The following GTPBP4 variants were observed in gnomAD, a reference collection of about 807,000 sequenced individuals.
GTPBP4 encodes GTP binding protein 4.
Under a neutral mutation model 81.7 loss-of-function variants are expected in GTPBP4, and 15 were observed. That is an observed-to-expected ratio of 0.18 (90% CI 0.12 to 0.28). GTPBP4 has a LOEUF of 0.28. Among genes scored for constraint, GTPBP4 ranks in the 10% least tolerant of loss-of-function variants. GTPBP4 has a pLI of 1.00. For missense variants in GTPBP4, 847 were observed against 793.8 expected, an observed-to-expected ratio of 1.07 and a Z score of -0.81; for synonymous variants, 272 against 274.6, an observed-to-expected ratio of 0.99 and a Z score of 0.09.
rs557111331 is a variant in GTPBP4 at position 1,008,967 on chromosome 10, C to A, written c.1123C>A (p.Pro375Thr). ...PTRRDDKERP[P>T]FIPEGVVARR... ...TATGGGATCTTCTCAGGAGAGGCCCCCTTTCATCCCTGAAGGAGTGGTGGC... is the reference window on the plus strand; with the variant it reads ...TATGGGATCTTCTCAGGAGAGGCCCACTTTCATCCCTGAAGGAGTGGTGGC... Residue 375 changes from proline to threonine, a missense_variant, in exon 11 of 17, where the codon CCT becomes ACT. Pro to Thr is a conservative substitution (Grantham distance 38). This residue lies in a region of GTPBP4 where 600 missense variants were observed against 557.1 expected (regional missense o/e 1.08). Transcript: ENST00000360803. 7.5e-6 allele frequency: 12 copies of A among 1,609,648 alleles called. No individual in the cohort carries two copies. The African/African-American group carries it at 8.0e-5, about 11-fold the overall frequency.
At chr10:1,005,499 G>T (rs1831712477) in intron 8 of GTPBP4, among the ~76,000 whole-genome samples, 1 of 152,072 alleles carries the variant, frequency 6.6e-6, no homozygotes, top group Non-Finnish European at 1.5e-5. Flanking sequence ...GCTCCCCAGG[G>T]TGCCTGTTAC....
At chr10:1,011,283 C>T (rs1831865638) in intron 13 of GTPBP4, among the ~76,000 whole-genome samples, 1 of 152,180 alleles carries the variant, frequency 6.6e-6, no homozygotes, top group African/African-American at 2.4e-5. Flanking sequence ...TTTTTCCTGC[C>T]TCAATCCCCT....
chr10:1,003,923 G>T (rs1331077200), intron 8 of GTPBP4, among the ~76,000 whole-genome samples: 1 of 152,142 alleles, frequency 6.6e-6, no homozygotes, highest in African/African-American at 2.4e-5. Context: ...TTAGGGTCTT[G>T]TGTGCCTATC....
At position 1,019,751 on chromosome 10, in the gene GTPBP4, A is replaced by C. The variant is rs41294970; in HGVS notation, c.*2524A>C. On this transcript the variant is annotated 3_prime_UTR_variant, in exon 17 of 17. Coordinates refer to ENST00000360803, the MANE Select transcript of GTPBP4 (RefSeq NM_012341.3). The stretch of plus-strand genomic sequence containing the variant: ...CGTTTTTCCTCACAAGCAGAAGGTA[A>C]CAAATTTCATGCTCTCCCCAAATTC... The C allele has an allele frequency of 1.2e-6, 2 of 1,614,042 alleles. No homozygotes were observed. The highest frequency in any genetic ancestry group is 1.7e-6 in the Non-Finnish European group (2 of 1,180,008).
chr10:992,587 A>G lies in GTPBP4; in HGVS notation c.147A>G (p.Arg49=). The change falls in exon 2 of 17, where the codon AGA becomes AGG. Residue 49 remains arginine, a synonymous_variant. Coordinates refer to ENST00000360803, the MANE Select transcript of GTPBP4 (RefSeq NM_012341.3). ...ATCGCATTAGACATTTTTACATGAG[A>G]AAAGTCAAATTTACTCAACAGAATT... is the stretch of plus-strand genomic sequence containing the variant. The part of the protein sequence containing the change: ...QIHRIRHFYM[R]KVKFTQQNYH... The G allele has an allele frequency of 6.2e-7, 1 of 1,601,640 alleles. No homozygotes were observed. The highest frequency in any genetic ancestry group is 1.1e-5 in the South Asian group (1 of 90,454).
chr10:1,015,911 T>G lies in GTPBP4; in HGVS notation c.1752+15T>G, dbSNP rs766461596. ...GGGATGTCAAGGTCAGTCTCTGTGT[T>G]GTGTAATGTAATAAAATGACAGTCT... On this transcript the variant is annotated intron_variant, in intron 16 of 16. Coordinates refer to ENST00000360803, the MANE Select transcript of GTPBP4 (RefSeq NM_012341.3). 1 of 1,595,080 alleles carries G rather than the reference T, an allele frequency of 6.3e-7. No homozygotes were observed. The highest frequency in any genetic ancestry group is 8.6e-7 in the Non-Finnish European group (1 of 1,167,660).
rs1231943615 is a variant in GTPBP4 at position 1,018,176 on chromosome 10, C to G, written c.*949C>G. On this transcript the variant is annotated 3_prime_UTR_variant, in exon 17 of 17. Transcript: ENST00000360803. ...GCGCAGGGGCTCAAGCCTGTAGTTC[C>G]AGCACTTTGGGAGGCCGAGGTGGGC... The G allele has an allele frequency of 1.3e-5, 2 of 152,300 alleles. No individual in the cohort carries two copies. Among genetic ancestry groups the G allele is most frequent in the African/African-American group, 4.8e-5 (2 of 41,448 alleles). 9.4% of individuals were successfully genotyped at this position (152,300 alleles called of 1,614,324 possible).
chr10:1,010,373 G>T, intron 12 of GTPBP4, 47 bp from the exon 13 acceptor site: 2 of 927,024 alleles, frequency 2.2e-6, no homozygotes, highest in Non-Finnish European at 3.6e-6. Flanking sequence ...AGTACTTGAA[G>T]ATATTAAAAA....
intron 13 of GTPBP4, among the ~76,000 whole-genome samples, chr10:1,011,223 G>C (rs1831864076): frequency 6.6e-6 from 1 of 152,058 alleles, no homozygotes; most frequent in South Asian, 2.1e-4. Flanking sequence ...GCCCTTAATG[G>C]ACTCTGCTGT....
chr10:1,015,886 G>A lies in GTPBP4; in HGVS notation c.1742G>A (p.Arg581Lys), dbSNP rs769838858. Residue 581 changes from arginine (R) to lysine (K), a missense_variant, in exon 16 of 17, where the codon AGG (arginine) becomes AAG (lysine). Coordinates refer to ENST00000360803, the MANE Select transcript of GTPBP4 (RefSeq NM_012341.3). Reference sequence around the variant, plus strand: ...ACTCCACGTGACGTTTCTGGTCTTAGGGATGTCAAGGTCAGTCTCTGTGTT... The same window carrying A: ...ACTCCACGTGACGTTTCTGGTCTTAAGGATGTCAAGGTCAGTCTCTGTGTT... ...SRTPRDVSGL[R>K]DVKMVKKAKT... The A allele has an allele frequency of 8.7e-6, 14 of 1,612,194 alleles. No individual in the cohort carries two copies. The highest frequency in any genetic ancestry group is 1.3e-5 in the African/African-American group (1 of 74,896).
intron 8 of GTPBP4, among the ~76,000 whole-genome samples, chr10:1,001,902 C>T (rs1831640952): frequency 1.3e-5 from 2 of 150,560 alleles, no homozygotes; most frequent in Admixed American, 1.3e-4. Context: ...GTTTGGTCTA[C>T]AGTGCACTTT....
chr10:1,004,692 T>A (rs1016035295), intron 8 of GTPBP4, among the ~76,000 whole-genome samples: 1 of 152,014 alleles, frequency 6.6e-6, no homozygotes, highest in Non-Finnish European at 1.5e-5. Context: ...CAGGGTACCG[T>A]TGGGTGCTAG....
chr10:1,015,391 G>T (rs1203666314), intron 15 of GTPBP4, among the ~76,000 whole-genome samples: 1 of 137,982 alleles, frequency 7.2e-6, no homozygotes, highest in African/African-American at 3.0e-5. Flanking sequence ...TCTGAGCCTG[G>T]GAGTGGACCT....
rs200759414 is a variant in GTPBP4 at position 1,012,039 on chromosome 10, A to AT, written c.1345-421dup. Among the ~76,000 whole-genome samples, 783 of 152,026 alleles carry AT rather than the reference A, an allele frequency of 5.2e-3. 8 individuals carry two copies. Among genetic ancestry groups the AT allele is most frequent in the African/African-American group, 0.018 (726 of 41,460 alleles). ...GATAAACGTGTGTGTTTTAGTTTTC[A>AT]TTTTTGTCTTATTTGTAGCCAGTGA... On this transcript the variant is annotated intron_variant, in intron 13 of 16. Coordinates refer to ENST00000360803, the MANE Select transcript of GTPBP4 (RefSeq NM_012341.3).
chr10:1,009,554 G>A lies in GTPBP4; in HGVS notation c.1217G>A (p.Gly406Glu). 1 of 1,603,100 alleles carries A rather than the reference G, an allele frequency of 6.2e-7. No homozygotes were observed. Among genetic ancestry groups the A allele is most frequent in the Non-Finnish European group, 8.5e-7 (1 of 1,169,908 alleles). ...KRERDLELEM[G>E]DDYILDLQKY... ...GAACGAGATCTTGAGCTGGAAATGG[G>A]AGATGATTATATTTTGGATCTTCAG... Residue 406 changes from glycine to glutamate, a missense_variant, in exon 12 of 17, where the codon GGA (glycine) becomes GAA (glutamate). This residue lies in a region of GTPBP4 where 600 missense variants were observed against 557.1 expected (regional missense o/e 1.08). Transcript: ENST00000360803.
intron 2 of GTPBP4, among the ~76,000 whole-genome samples, chr10:993,620 G>C (rs925426197): frequency 1.3e-5 from 2 of 152,126 alleles, no homozygotes; most frequent in Admixed American, 6.5e-5. Context: ...ATGACACCAT[G>C]TGTGGGGTAA....
chr10:1,010,349 C>A, intron 12 of GTPBP4, 71 bp from the exon 13 acceptor site: 3 of 774,874 alleles, frequency 3.9e-6, no homozygotes, highest in East Asian at 2.5e-5. Flanking sequence ...AGTCACAACT[C>A]ATTTTGCGCA....
intron 13 of GTPBP4, among the ~76,000 whole-genome samples, chr10:1,011,496 T>TG (rs1441141571): frequency 4.8e-3 from 196 of 41,024 alleles, no homozygotes; most frequent in Middle Eastern, 0.016. Flanking sequence ...GGAACATGCT[T>TG]TTTATACAAT....
intron 2 of GTPBP4, among the ~76,000 whole-genome samples, chr10:993,538 C>T (rs553867097): frequency 3.9e-5 from 6 of 152,092 alleles, no homozygotes; most frequent in East Asian, 1.9e-4. Flanking sequence ...TGAGCCACCA[C>T]GCCTGGCCTG....
Sources: allele counts gnomAD v4.1 joint callset (sites outside exome capture counted in the v4.1 genomes callset), GRCh38; gene constraint gnomAD v4.1.1; regional missense constraint gnomAD v4.1.1; transcripts MANE v1.5; gene names NCBI Gene and HGNC (gene_info 2026-07-23, HGNC 2026-07-21).